OLFM1: variants seen among roughly 807,000 people sequenced by gnomAD.
OLFM1 encodes noelin.
A neutral mutation model predicts 49.7 loss-of-function variants in OLFM1; 9 were observed. That is an observed-to-expected ratio of 0.18 (90% CI 0.11 to 0.32). The LOEUF (loss-of-function observed/expected upper bound fraction) is 0.32, where lower values mean the gene tolerates loss of function less well. Ranked by LOEUF, OLFM1 falls within the 10% of genes least tolerant of loss-of-function variation. The pLI is 1.00. For synonymous variants in OLFM1, 240 were observed against 271.8 expected (o/e 0.88, Z 1.15); for missense variants, 369 against 661.8 (o/e 0.56, Z 4.85).
intron 4 of OLFM1, among the ~76,000 whole-genome samples, chr9:135,101,108 C>T (rs908929092): frequency 1.3e-5 from 2 of 152,214 alleles, no homozygotes; most frequent in Non-Finnish European, 2.9e-5. Flanking sequence ...CTCAGGACCA[C>T]CCTGGCAGCC....
intron 5 of OLFM1, among the ~76,000 whole-genome samples, chr9:135,114,578 G>T (rs1363565684): frequency 6.6e-6 from 1 of 151,924 alleles, no homozygotes; most frequent in Non-Finnish European, 1.5e-5. Flanking sequence ...TCCCAAGGGG[G>T]TGAGTGTGGC....
chr9:135,086,011 G>C (rs1431108488), upstream of OLFM1, among the ~76,000 whole-genome samples: 1 of 152,266 alleles, frequency 6.6e-6, no homozygotes. Flanking sequence ...CAGTTTTGTG[G>C]ATTGGATTGG....
At chr9:135,077,168 A>G (rs1564264613) in intron 1 of OLFM1, 3 of 1,542,804 alleles carry the variant, frequency 1.9e-6, no homozygotes, top group Non-Finnish European at 1.7e-6. Context: ...ACACACACAC[A>G]TGCACACACA....
At chr9:135,099,291 G>T (rs1455423599) in intron 4 of OLFM1, among the ~76,000 whole-genome samples, 1 of 152,100 alleles carries the variant, frequency 6.6e-6, no homozygotes, top group African/African-American at 2.4e-5. Context: ...TAACACAAAG[G>T]TTGTTGTTTT....
intron 2 of OLFM1, among the ~76,000 whole-genome samples, chr9:135,095,469 T>C (rs1414209907): frequency 6.6e-6 from 1 of 150,714 alleles, no homozygotes; most frequent in African/African-American, 2.5e-5. Flanking sequence ...CTAACTAATG[T>C]TGTCCTGCAA....
intron 5 of OLFM1, among the ~76,000 whole-genome samples, chr9:135,115,781 TC>T (rs1346688219): frequency 6.6e-6 from 1 of 152,218 alleles, no homozygotes; most frequent in East Asian, 1.9e-4. Context: ...TCACCAAACC[TC>T]CCTGGCCTCC....
At position 135,113,615 on chromosome 9, in the gene OLFM1, G is replaced by A. The variant is rs575356987; in HGVS notation, c.784-5889G>A. Reference sequence around the variant, plus strand: ...GCCGCATTAACAGGAGTCCAGCCACGTGGACACCCCTCACTCTGTGGGATC... The same window carrying A: ...GCCGCATTAACAGGAGTCCAGCCACATGGACACCCCTCACTCTGTGGGATC... On this transcript the variant is annotated intron_variant, in intron 5 of 5. Coordinates refer to ENST00000371793, the MANE Select transcript of OLFM1 (RefSeq NM_001282611.2). The surrounding 1 kb of genome is among the most constrained non-coding windows in gnomAD (Gnocchi z 4.0). Among the ~76,000 whole-genome samples the A allele has an allele frequency of 3.3e-5, 5 of 152,154 alleles. No homozygotes were observed. The highest frequency in any genetic ancestry group is 4.1e-4 in the South Asian group (2 of 4,828).
intron 5 of OLFM1, among the ~76,000 whole-genome samples, chr9:135,107,819 G>A (rs111462296): frequency 6.6e-6 from 1 of 152,218 alleles, no homozygotes; most frequent in African/African-American, 2.4e-5. Context: ...AGCTTTATCT[G>A]GAGCGGGTTT....
At chr9:135,082,879 A>T (rs994505650), upstream of OLFM1, among the ~76,000 whole-genome samples, 2 of 152,216 alleles carry the variant, frequency 1.3e-5, no homozygotes, top group African/African-American at 4.8e-5. Flanking sequence ...AGGCCCCATC[A>T]GTAATGCCCG....
intron 1 of OLFM1, among the ~76,000 whole-genome samples, chr9:135,078,134 G>A (rs1382277478): frequency 1.3e-5 from 2 of 152,160 alleles, no homozygotes; most frequent in Non-Finnish European, 2.9e-5. Context: ...TATGCGTTGC[G>A]GGTTCCCTGA....
chr9:135,091,627 T>TCACATAGTCACACA (rs1830695762), intron 2 of OLFM1, among the ~76,000 whole-genome samples: 1 of 17,052 alleles, frequency 5.9e-5, no homozygotes, highest in Non-Finnish European at 1.2e-4. Flanking sequence ...TCACACACAC[T>TCACATAGTCACACA]CACATAGTCA....
At chr9:135,107,725 T>G (rs1209908585) in intron 5 of OLFM1, among the ~76,000 whole-genome samples, 1 of 152,152 alleles carries the variant, frequency 6.6e-6, no homozygotes, top group African/African-American at 2.4e-5. Flanking sequence ...TGCAGGACAC[T>G]TAGAAAATAA....
intron 2 of OLFM1, among the ~76,000 whole-genome samples, 170 bp from the exon 3 acceptor site, chr9:135,095,694 A>T (rs1830780056): frequency 6.6e-6 from 1 of 152,166 alleles, no homozygotes; most frequent in African/African-American, 2.4e-5. Context: ...GGGAGTTATC[A>T]GTCCTCACAG....
chr9:135,117,648 G>A lies in OLFM1; in HGVS notation c.784-1856G>A, dbSNP rs548193951. Among the ~76,000 whole-genome samples the A allele has an allele frequency of 2.1e-4, 32 of 152,352 alleles. No individual in the cohort carries two copies. The highest frequency in any genetic ancestry group is 1.0e-3 in the Admixed American group (16 of 15,312). ...CTGAAGGAGCTCCTTTCTTGCACACGTGTGTATGACCCCCACTATGGGCCA... is the reference window on the plus strand; with the variant it reads ...CTGAAGGAGCTCCTTTCTTGCACACATGTGTATGACCCCCACTATGGGCCA... On this transcript the variant is annotated intron_variant, in intron 5 of 5. Coordinates refer to ENST00000371793, the MANE Select transcript of OLFM1 (RefSeq NM_001282611.2). The surrounding 1 kb of genome is among the most constrained non-coding windows in gnomAD (Gnocchi z 5.5).
intron 3 of OLFM1, among the ~76,000 whole-genome samples, chr9:135,097,587 G>T (rs1357776267): frequency 6.6e-6 from 1 of 152,034 alleles, no homozygotes; most frequent in Non-Finnish European, 1.5e-5. Context: ...GTGCTAAACC[G>T]CATTAAAAAA....
At chr9:135,077,000 G>A in intron 1 of OLFM1, 2 of 1,550,598 alleles carry the variant, frequency 1.3e-6, no homozygotes, top group Middle Eastern at 3.3e-4. Flanking sequence ...CTTACCCTCA[G>A]AGCCCTTCTC....
chr9:135,098,219 C>T lies in OLFM1; in HGVS notation c.457-67C>T. 1 of 1,569,510 alleles carries T rather than the reference C, an allele frequency of 6.4e-7. No homozygotes were observed. The highest frequency in any genetic ancestry group is 1.1e-5 in the South Asian group (1 of 87,146). ...CACTTTCCCTCACCTAGGGAGAAGC[C>T]AGGCCAAGGCAGGGTGTGAGAGTTC... On this transcript the variant is annotated intron_variant, in intron 3 of 5. Transcript: ENST00000371793. This position sits in a 1 kb window ranked among gnomAD's most constrained non-coding sequence, Gnocchi z 5.6.
chr9:135,111,745 C>G (rs1396342341), intron 5 of OLFM1, among the ~76,000 whole-genome samples: 1 of 152,158 alleles, frequency 6.6e-6, no homozygotes, highest in Non-Finnish European at 1.5e-5. Flanking sequence ...GAGTCTTGCT[C>G]TGTCGTCAGA....
In OLFM1 at chr9:135,117,425, G is replaced by C. The variant is rs543048961; in HGVS notation, c.784-2079G>C. 1.3e-5 allele frequency among the ~76,000 whole-genome samples: 2 copies of C among 152,230 alleles called. No individual in the cohort carries two copies. Among genetic ancestry groups the C allele is most frequent in the Admixed American group, 6.5e-5 (1 of 15,286 alleles). On this transcript the variant is annotated intron_variant, in intron 5 of 5. Transcript: ENST00000371793. This position sits in a 1 kb window ranked among gnomAD's most constrained non-coding sequence, Gnocchi z 5.5. ...CCCTGCAGACAGGATGACTCAGTCC[G>C]TGCCGCAGCGATGGCTTGGTGGGAG...
Sources: gnomAD v4.1 joint callset for allele counts (sites outside exome capture counted in the v4.1 genomes callset) on GRCh38, gnomAD v4.1.1 for gene constraint, Gnocchi (gnomAD v3.1) non-coding constraint, MANE v1.5 for transcripts, NCBI Gene and HGNC (gene_info 2026-07-23, HGNC 2026-07-21) for gene names.